Variants in EDARADD observed in about 807,000 individuals in gnomAD.
EDARADD encodes EDAR associated via death domain.
In EDARADD, 20 loss-of-function variants were observed where a neutral mutation model predicts 25.6. The ratio of observed to expected loss-of-function variants is 0.78; its 90% CI spans 0.55 to 1.14. The LOEUF (loss-of-function observed/expected upper bound fraction) is 1.14. Ranked by LOEUF, EDARADD falls within the 50% of genes most tolerant of loss-of-function variation. The pLI is 0.00. For synonymous variants in EDARADD, 86 were observed against 94.4 expected, an observed-to-expected ratio of 0.91 and a Z score of 0.52; for missense variants, 225 against 270.1, an observed-to-expected ratio of 0.83 and a Z score of 1.17.
chr1:236,429,730 A>G (rs1459481191), intron 4 of EDARADD, among the ~76,000 whole-genome samples: 5 of 152,102 alleles, frequency 3.3e-5, no homozygotes. Context: ...AAAAGTACAC[A>G]CAGAAAGTTA....
intron 5 of EDARADD, among the ~76,000 whole-genome samples, chr1:236,475,402 A>G (rs1238519324): frequency 1.3e-5 from 2 of 152,230 alleles, no homozygotes; most frequent in East Asian, 3.8e-4. Context: ...AAAGGCAACT[A>G]TAGATTCACT....
chr1:236,431,927 C>CAAAAAAAA (rs1170622280), intron 4 of EDARADD, among the ~76,000 whole-genome samples: 9 of 17,986 alleles, frequency 5.0e-4, no homozygotes, highest in African/African-American at 8.2e-4. Context: ...GACTCCGTCT[C>CAAAAAAAA]AAAAAAAAAA....
At chr1:236,445,660 A>G (rs1250997518) in intron 4 of EDARADD, among the ~76,000 whole-genome samples, 3 of 152,220 alleles carry the variant, frequency 2.0e-5, no homozygotes, top group Non-Finnish European at 4.4e-5. Context: ...AAGAAGATTA[A>G]ATTGGTGACT....
intron 1 of EDARADD, among the ~76,000 whole-genome samples, chr1:236,403,354 C>G (rs1403420316): frequency 6.6e-6 from 1 of 152,156 alleles, no homozygotes; most frequent in Non-Finnish European, 1.5e-5. Context: ...GTGGCGTGAT[C>G]TCGACTCACT....
chr1:236,394,286 A>C lies in EDARADD; in HGVS notation c.-159A>C, dbSNP rs1667473676. 1.3e-6 allele frequency: 1 copy of C among 756,752 alleles called. No individual in the cohort carries two copies. The highest frequency in any genetic ancestry group is 2.4e-5 in the Admixed American group (1 of 41,960). The allele number at this position is 756,752 out of a possible 1,614,324, so 46.9% of individuals were successfully genotyped here. On this transcript the variant is annotated 5_prime_UTR_variant, in exon 1 of 6. Coordinates refer to ENST00000334232, the MANE Select transcript of EDARADD (RefSeq NM_145861.4). ...AAAATTTCCCTTCCTATCCGAAGGCAGACCAAGAGGAAGTTTATCCTCCCA... is the reference window on the plus strand; with the variant it reads ...AAAATTTCCCTTCCTATCCGAAGGCCGACCAAGAGGAAGTTTATCCTCCCA...
intron 3 of EDARADD, among the ~76,000 whole-genome samples, chr1:236,353,464 G>A (rs945868025): frequency 3.3e-5 from 5 of 152,010 alleles, no homozygotes; most frequent in South Asian, 2.1e-4. Flanking sequence ...GGTGGATGAC[G>A]AGGTCAGGAG....
At chr1:236,405,782 TTTCTTTC>T (rs1187132274) in intron 1 of EDARADD, among the ~76,000 whole-genome samples, 1 of 39,032 alleles carries the variant, frequency 2.6e-5, no homozygotes, top group Admixed American at 2.7e-4. Flanking sequence ...TCTTTCTTTC[TTTCTTTC>T]TTTTCTTTTT....
intron 4 of EDARADD, among the ~76,000 whole-genome samples, chr1:236,447,150 C>A (rs1658565033): frequency 1.4e-5 from 1 of 71,574 alleles, no homozygotes; most frequent in African/African-American, 4.7e-5. Flanking sequence ...TCCTTCCTTC[C>A]TTCCTCCCTC....
chr1:236,468,850 G>A (rs1385141977), intron 5 of EDARADD, among the ~76,000 whole-genome samples: 5 of 152,094 alleles, frequency 3.3e-5, no homozygotes, highest in Non-Finnish European at 5.9e-5. Flanking sequence ...CAGGCCAGTC[G>A]GGACTGAGTG....
chr1:236,458,213 G>T (rs544500969), intron 4 of EDARADD, among the ~76,000 whole-genome samples: 1 of 152,334 alleles, frequency 6.6e-6, no homozygotes, highest in South Asian at 2.1e-4. Context: ...CATGGTGCAA[G>T]GTTCACAGTG....
Position 236,484,068 on chromosome 1 carries a change from G to T in EDARADD, c.*1419G>T, listed in dbSNP as rs1317311530. On this transcript the variant is annotated 3_prime_UTR_variant, in exon 6 of 6. Transcript: ENST00000334232. The surrounding 1 kb of genome is among the most constrained non-coding windows in gnomAD (Gnocchi z 4.1). ...AGATCCCTTTGACCAGGATGACTGG[G>T]GAGCTTGGCAGAAGTTCACGGCCAG... The T allele has an allele frequency of 6.3e-7, 1 of 1,577,490 alleles. No individual in the cohort carries two copies. Among genetic ancestry groups the T allele is most frequent in the Non-Finnish European group, 8.7e-7 (1 of 1,148,128 alleles).
chr1:236,444,125 C>T (rs1314354923), intron 4 of EDARADD, among the ~76,000 whole-genome samples: 1 of 152,028 alleles, frequency 6.6e-6, no homozygotes, highest in African/African-American at 2.4e-5. Context: ...TTAAGACGTA[C>T]TTTTTTAGAC....
intron 4 of EDARADD, among the ~76,000 whole-genome samples, chr1:236,433,325 G>A (rs1374257118): frequency 2.6e-5 from 4 of 151,602 alleles, no homozygotes; most frequent in South Asian, 2.1e-4. Flanking sequence ...GGGGGGGGCC[G>A]AGGCAGGTGG....
chr1:236,466,608 T>C (rs1160444549), intron 4 of EDARADD, among the ~76,000 whole-genome samples: 1 of 152,190 alleles, frequency 6.6e-6, no homozygotes, highest in East Asian at 1.9e-4. Context: ...GAGAAAAGTC[T>C]AGCTGGTAAC....
intron 4 of EDARADD, among the ~76,000 whole-genome samples, chr1:236,446,318 G>A (rs761382857): frequency 2.0e-5 from 3 of 152,024 alleles, no homozygotes; most frequent in Non-Finnish European, 4.4e-5. Flanking sequence ...TAAGGAGGCC[G>A]AGGCAGGTGG....
Position 236,471,833 on chromosome 1 carries a change from C to T in EDARADD, c.265+3557C>T, listed in dbSNP as rs191074479. On this transcript the variant is annotated intron_variant, in intron 5 of 5. Transcript: ENST00000334232. ...AGGGCACCTTCCCTGCAGGGAGGCA[C>T]ATTAAGTCAGTCTGTGATCTGCTGC... 6.1e-4 allele frequency among the ~76,000 whole-genome samples: 93 copies of T among 152,268 alleles called. No individual in the cohort carries two copies. In the South Asian group the frequency reaches 8.9e-3, roughly 15 times the overall value.
chr1:236,355,500 CTTTTTT>C lies in EDARADD; in HGVS notation c.-6+4682_-6+4687del, dbSNP rs563976436. 1.2e-4 allele frequency among the ~76,000 whole-genome samples: 9 copies of C among 73,170 alleles called. 1 individual carries two copies. Among genetic ancestry groups the C allele is most frequent in the African/African-American group, 3.1e-4 (6 of 19,266 alleles). The allele number at this position is 73,170 out of a possible 152,430, so 48.0% of individuals were successfully genotyped here. A position where few individuals can be genotyped will look rare whatever the true frequency, so the allele number is the denominator to read the frequency against. On this transcript the variant is annotated intron_variant, in intron 3 of 7. Transcript: ENST00000439430. ...CACTCATTCTCTTCTGCTTCTTCTTCTTTTTTTTTTTTTTTTTTTTTTTTTTGAGAC... is the reference window on the plus strand; with the variant it reads ...CACTCATTCTCTTCTGCTTCTTCTTCTTTTTTTTTTTTTTTTTTTTGAGAC...
chr1:236,410,897 A>G (rs1475038759), intron 2 of EDARADD, among the ~76,000 whole-genome samples: 1 of 152,196 alleles, frequency 6.6e-6, no homozygotes. Context: ...GGAAATTCCT[A>G]TGAAAAATTC....
chr1:236,442,068 T>C (rs1207472691), intron 4 of EDARADD, among the ~76,000 whole-genome samples: 1 of 152,056 alleles, frequency 6.6e-6, no homozygotes, highest in Non-Finnish European at 1.5e-5. Context: ...ACAACAGATT[T>C]CCAGTGTAGA....
Sources: allele counts gnomAD v4.1 joint callset (sites outside exome capture counted in the v4.1 genomes callset), GRCh38; gene constraint gnomAD v4.1.1; non-coding constraint Gnocchi (gnomAD v3.1); transcripts MANE v1.5; gene names NCBI Gene and HGNC (gene_info 2026-07-23, HGNC 2026-07-21).